Variants in GTF3C5 observed in about 807,000 individuals in gnomAD.
GTF3C5 encodes general transcription factor 3C polypeptide 5.
Under a neutral mutation model 61.0 loss-of-function variants are expected in GTF3C5, and 47 were observed. The ratio of observed to expected loss-of-function variants is 0.77; its 90% CI spans 0.61 to 0.98. The LOEUF (loss-of-function observed/expected upper bound fraction) is 0.98, where lower values mean the gene tolerates loss of function less well. GTF3C5 is among the 50% of genes least tolerant of loss of function. The pLI, the probability that GTF3C5 is intolerant of heterozygous loss-of-function variation, is 0.00. For synonymous variants in GTF3C5, 295 were observed against 275.4 expected (o/e 1.07, Z -0.71); for missense variants, 659 against 703.3 (o/e 0.94, Z 0.71).
At chr9:133,054,522 G>A (rs1475978436) in intron 7 of GTF3C5, 34 bp downstream of exon 7, 3 of 1,599,480 alleles carry the variant, frequency 1.9e-6, no homozygotes, top group South Asian at 1.1e-5. Context: ...TGGGTCATGA[G>A]TGATTTGCCA....
chr9:133,053,775 C>T, intron 5 of GTF3C5, 53 bp from the exon 6 acceptor site: 1 of 1,209,974 alleles, frequency 8.3e-7, no homozygotes, highest in Non-Finnish European at 1.2e-6. Context: ...CTGGCCCGTC[C>T]AGGGACCTGG....
chr9:133,053,525 C>T (rs1450219780), intron 5 of GTF3C5, among the ~76,000 whole-genome samples: 1 of 152,158 alleles, frequency 6.6e-6, no homozygotes, highest in Non-Finnish European at 1.5e-5. Context: ...GTTGAGGCTG[C>T]AGTGAACCGT....
intron 4 of GTF3C5, among the ~76,000 whole-genome samples, chr9:133,051,338 G>A (rs1046838761): frequency 2.6e-5 from 4 of 152,250 alleles, no homozygotes; most frequent in Non-Finnish European, 5.9e-5. Context: ...CTTACCGTTA[G>A]AACTGGAACC....
At chr9:133,039,535 CT>C (rs1290343985) in intron 1 of GTF3C5, among the ~76,000 whole-genome samples, 9 of 152,258 alleles carry the variant, frequency 5.9e-5, no homozygotes, top group Admixed American at 1.3e-4. Flanking sequence ...TGCCAGGTAG[CT>C]GGGACTATAG....
intron 1 of GTF3C5, among the ~76,000 whole-genome samples, chr9:133,037,782 C>T (rs1402393160): frequency 6.6e-6 from 1 of 152,178 alleles, no homozygotes; most frequent in Admixed American, 6.5e-5. Flanking sequence ...AAATCCTTCT[C>T]CCTTTACCCC....
chr9:133,057,960 G>T lies in GTF3C5; in HGVS notation c.1540G>T (p.Glu514Ter). The change falls in exon 11 of 11, where the codon GAG (glutamate) becomes TAG (stop). Residue 514 changes from glutamate (E) to a stop codon, truncating the protein, a stop_gained. Transcript: ENST00000372097. LOFTEE classifies it high-confidence loss of function. ...CGGCAGTGAAAACGAAATGGAGACA[G>T]AGATTCTGGACTACGTGTGACAGGG... ...SDGSENEMET[E>*]ILDYV 3 of 1,613,968 alleles carry T rather than the reference G, an allele frequency of 1.9e-6. No individual in the cohort carries two copies. Among genetic ancestry groups the T allele is most frequent in the Non-Finnish European group, 2.5e-6 (3 of 1,180,018 alleles).
At chr9:133,049,182 C>T (rs1315318441) in intron 3 of GTF3C5, among the ~76,000 whole-genome samples, 1 of 152,220 alleles carries the variant, frequency 6.6e-6, no homozygotes, top group Non-Finnish European at 1.5e-5. Context: ...GTGACACAGA[C>T]CACAGCCTGA....
At chr9:133,048,770 T>C (rs1040646113) in intron 3 of GTF3C5, among the ~76,000 whole-genome samples, 1 of 152,232 alleles carries the variant, frequency 6.6e-6, no homozygotes. Context: ...GGGAAGCTGT[T>C]TCCAGCCCCT....
chr9:133,053,983 CTT>C (rs773675988), intron 6 of GTF3C5, 41 bp downstream of exon 6: 2 of 1,187,134 alleles, frequency 1.7e-6, no homozygotes, highest in East Asian at 2.4e-5. Context: ...CTTTCTCTCT[CTT>C]TATCTTTCAG....
At chr9:133,034,653 A>G (rs1849816173) in intron 1 of GTF3C5, among the ~76,000 whole-genome samples, 1 of 152,044 alleles carries the variant, frequency 6.6e-6, no homozygotes, top group South Asian at 2.1e-4. Context: ...AGAGTACCAG[A>G]TAAGGCCCTT....
At position 133,057,958 on chromosome 9, in the gene GTF3C5, C is replaced by T. The variant is rs1406664620; in HGVS notation, c.1538C>T (p.Thr513Ile). 6.2e-7 allele frequency: 1 copy of T among 1,613,834 alleles called. No homozygotes were observed. Among genetic ancestry groups the T allele is most frequent in the African/African-American group, 1.3e-5 (1 of 74,938 alleles). Residue 513 changes from threonine to isoleucine, a missense_variant, in exon 11 of 11, where the codon ACA (threonine) becomes ATA (isoleucine). Thr to Ile is a moderately conservative substitution (Grantham distance 89). Transcript: ENST00000372097. ...GACGGCAGTGAAAACGAAATGGAGACAGAGATTCTGGACTACGTGTGACAG... is the reference window on the plus strand; with the variant it reads ...GACGGCAGTGAAAACGAAATGGAGATAGAGATTCTGGACTACGTGTGACAG... Reference protein sequence around the residue: ...PSDGSENEMETEILDYV With the variant: ...PSDGSENEMEIEILDYV
At chr9:133,032,728 A>G (rs1167191810) in intron 1 of GTF3C5, among the ~76,000 whole-genome samples, 1 of 152,172 alleles carries the variant, frequency 6.6e-6, no homozygotes, top group East Asian at 1.9e-4. Context: ...ACAACATCCT[A>G]CGAGAATAAA....
intron 3 of GTF3C5, among the ~76,000 whole-genome samples, chr9:133,049,913 T>TA (rs1850319995): frequency 6.6e-6 from 1 of 152,162 alleles, no homozygotes; most frequent in Admixed American, 6.5e-5. Flanking sequence ...TTGTTACCAG[T>TA]GGATGAACCT....
rs147294084 is a variant in GTF3C5 at position 133,034,086 on chromosome 9, G to T, written c.153+2922G>T. Among the ~76,000 whole-genome samples the T allele has an allele frequency of 2.0e-4, 30 of 152,246 alleles. No individual in the cohort carries two copies. The East Asian group carries it at 2.5e-3, about 13-fold the overall frequency. ...TAACCCGTACCGTCCGAATACAGAG[G>T]GTTCTTGGGCCATTGTTTGGGGATT... On this transcript the variant is annotated intron_variant, in intron 1 of 10. Coordinates refer to ENST00000372097, the MANE Select transcript of GTF3C5 (RefSeq NM_012087.4).
At position 133,031,140 on chromosome 9, in the gene GTF3C5, G is replaced by A; in HGVS notation, c.129G>A (p.Leu43=). 6.3e-7 allele frequency: 1 copy of A among 1,588,840 alleles called. No individual in the cohort carries two copies. Among genetic ancestry groups the A allele is most frequent in the Non-Finnish European group, 8.6e-7 (1 of 1,166,328 alleles). The part of the protein sequence containing the change: ...VRDVAKMLPT[L]GGEEGVSRIY... ...ATGTGGCTAAGATGCTGCCGACTCTGGGCGGCGAGGAAGGCGTCTCCCGGG... is the reference window on the plus strand; with the variant it reads ...ATGTGGCTAAGATGCTGCCGACTCTAGGCGGCGAGGAAGGCGTCTCCCGGG... The change falls in exon 1 of 11, where the codon CTG becomes CTA. Residue 43 remains leucine, a synonymous_variant. Transcript: ENST00000372097.
At chr9:133,031,757 A>T (rs907730944) in intron 1 of GTF3C5, among the ~76,000 whole-genome samples, 2 of 152,086 alleles carry the variant, frequency 1.3e-5, no homozygotes, top group African/African-American at 4.8e-5. Context: ...TCTTTCCCAT[A>T]TTGGCTAGGG....
At chr9:133,031,866 GT>G (rs1000748646) in intron 1 of GTF3C5, among the ~76,000 whole-genome samples, 1 of 152,184 alleles carries the variant, frequency 6.6e-6, no homozygotes, top group Non-Finnish European at 1.5e-5. Flanking sequence ...GGGAAGGATG[GT>G]TACAGAGCAG....
At chr9:133,038,185 A>G (rs1239328790) in intron 1 of GTF3C5, among the ~76,000 whole-genome samples, 1 of 152,184 alleles carries the variant, frequency 6.6e-6, no homozygotes, top group Admixed American at 6.5e-5. Context: ...AGAACAAAGA[A>G]GAAGGGAGTT....
At chr9:133,038,983 TG>T (rs1333931803) in intron 1 of GTF3C5, among the ~76,000 whole-genome samples, 1 of 152,238 alleles carries the variant, frequency 6.6e-6, no homozygotes, top group African/African-American at 2.4e-5. Flanking sequence ...TCTTATTCTC[TG>T]CCACGTACGG....
Sources: gnomAD v4.1 joint callset for allele counts (sites outside exome capture counted in the v4.1 genomes callset) on GRCh38, gnomAD v4.1.1 for gene constraint, MANE v1.5 for transcripts, NCBI Gene and HGNC (gene_info 2026-07-23, HGNC 2026-07-21) for gene names.